The following CNTNAP2 variants were observed in gnomAD, a reference collection of about 807,000 sequenced individuals.
The protein encoded by CNTNAP2 is contactin-associated protein-like 2.
CNTNAP2 carries 98 observed loss-of-function variants against 155.2 expected under a neutral mutation model. That is an observed-to-expected ratio of 0.63 (90% CI 0.54 to 0.75). CNTNAP2 has a LOEUF of 0.75. Among genes scored for constraint, CNTNAP2 ranks in the 30% least tolerant of loss-of-function variants. CNTNAP2 has a pLI of 0.00. For synonymous variants in CNTNAP2, 651 were observed against 631.2 expected (o/e 1.03, Z -0.47); for missense variants, 1,727 against 1,688.1 (o/e 1.02, Z -0.40).
At chr7:146,147,229 A>G (rs2116767833) in intron 1 of CNTNAP2, among the ~76,000 whole-genome samples, 1 of 152,160 alleles carries the variant, frequency 6.6e-6, no homozygotes, top group East Asian at 1.9e-4. Context: ...GTCTCTAGGG[A>G]TTGAATTATG....
rs184322833 is a variant in CNTNAP2 at position 147,787,671 on chromosome 7, T to C, written c.2099-115894T>C. Among the ~76,000 whole-genome samples, 5 of 152,340 alleles carry C rather than the reference T, an allele frequency of 3.3e-5. No homozygotes were observed. In the East Asian group the frequency reaches 5.8e-4, roughly 18 times the overall value. ...AACAGGTTTGTAAAATAGCAGACTT[T>C]TAACAAGCAAAGAAAATCAGTGCTG... On this transcript the variant is annotated intron_variant, in intron 13 of 23. Transcript: ENST00000361727.
At chr7:146,631,342 A>AT (rs1213489873) in intron 1 of CNTNAP2, among the ~76,000 whole-genome samples, 1 of 152,182 alleles carries the variant, frequency 6.6e-6, no homozygotes, top group Admixed American at 6.5e-5. Flanking sequence ...GGTGAAATTA[A>AT]TATATTCAAA....
At chr7:147,365,357 A>G (rs376286938) in intron 9 of CNTNAP2, among the ~76,000 whole-genome samples, 7 of 143,322 alleles carry the variant, frequency 4.9e-5, no homozygotes, top group African/African-American at 1.5e-4. Context: ...CCTGGGCAGC[A>G]GAGGAGAGAC....
intron 5 of CNTNAP2, among the ~76,000 whole-genome samples, chr7:147,116,006 G>A (rs1031811166): frequency 6.6e-6 from 1 of 152,112 alleles, no homozygotes; most frequent in African/African-American, 2.4e-5. Context: ...GGGGTTTGTT[G>A]TTGTTGTTGT....
chr7:146,657,129 C>T (rs191757787), intron 1 of CNTNAP2, among the ~76,000 whole-genome samples: 2 of 152,298 alleles, frequency 1.3e-5, no homozygotes, highest in African/African-American at 2.4e-5. Flanking sequence ...AAATGATCCT[C>T]ACAGCCTCAC....
chr7:147,595,508 G>A (rs181522206), intron 12 of CNTNAP2, among the ~76,000 whole-genome samples: 10 of 152,262 alleles, frequency 6.6e-5, no homozygotes, highest in Admixed American at 2.6e-4. Context: ...ATTTAAAAAC[G>A]TTAGGTGGCT....
At chr7:148,296,116 ACT>A (rs1213355458) in intron 21 of CNTNAP2, among the ~76,000 whole-genome samples, 2 of 152,024 alleles carry the variant, frequency 1.3e-5, no homozygotes, top group Admixed American at 6.5e-5. Context: ...TGAGCCAAAA[ACT>A]CTCTCTTTTT....
At chr7:147,807,647 A>G (rs1013234862) in intron 13 of CNTNAP2, among the ~76,000 whole-genome samples, 2 of 152,198 alleles carry the variant, frequency 1.3e-5, no homozygotes, top group African/African-American at 2.4e-5. Flanking sequence ...CACCTGCTGT[A>G]TACTAAAGGT....
intron 1 of CNTNAP2, among the ~76,000 whole-genome samples, chr7:146,267,398 A>G (rs1800012668): frequency 6.6e-6 from 1 of 152,202 alleles, no homozygotes. Flanking sequence ...TAGAACTGCT[A>G]TAGGTGCTAA....
At chr7:148,059,118 C>CA (rs1362792427) in intron 15 of CNTNAP2, among the ~76,000 whole-genome samples, 7 of 151,332 alleles carry the variant, frequency 4.6e-5, no homozygotes, top group Admixed American at 2.0e-4. Context: ...CAATCTCTAC[C>CA]AAAAAAATAA....
chr7:147,851,777 G>C (rs953195597), intron 13 of CNTNAP2, among the ~76,000 whole-genome samples: 6 of 148,850 alleles, frequency 4.0e-5, no homozygotes, highest in Non-Finnish European at 5.9e-5. Context: ...GGGGGAGGGG[G>C]GAAGGATAGC....
intron 1 of CNTNAP2, among the ~76,000 whole-genome samples, chr7:146,398,436 G>A (rs912313488): frequency 5.3e-5 from 8 of 152,106 alleles, no homozygotes; most frequent in African/African-American, 1.4e-4. Context: ...ACTATCATGC[G>A]AATAGCGTGG....
chr7:148,412,174 T>C (rs534660728), intron 23 of CNTNAP2, among the ~76,000 whole-genome samples: 137 of 152,248 alleles, frequency 9.0e-4, no homozygotes, highest in Middle Eastern at 6.8e-3. Flanking sequence ...TCTCCTGACC[T>C]TGTGATCCAC....
intron 15 of CNTNAP2, among the ~76,000 whole-genome samples, chr7:148,062,910 G>GA (rs1030640756): frequency 1.3e-5 from 2 of 151,854 alleles, no homozygotes; most frequent in Non-Finnish European, 2.9e-5. Flanking sequence ...AATTGGTTAA[G>GA]AAAAAAGGAG....
At chr7:146,686,016 G>T (rs1482779478) in intron 1 of CNTNAP2, among the ~76,000 whole-genome samples, 1 of 152,050 alleles carries the variant, frequency 6.6e-6, no homozygotes, top group Non-Finnish European at 1.5e-5. Context: ...AATATTCCAG[G>T]TGAGGCATGA....
chr7:147,475,502 A>G (rs943877357), intron 10 of CNTNAP2, among the ~76,000 whole-genome samples: 4 of 151,940 alleles, frequency 2.6e-5, no homozygotes, highest in Non-Finnish European at 4.4e-5. Context: ...CCCTTTACTC[A>G]TATTTCAATT....
chr7:148,067,763 C>T (rs1340688485), intron 15 of CNTNAP2, among the ~76,000 whole-genome samples: 1 of 152,114 alleles, frequency 6.6e-6, no homozygotes, highest in Non-Finnish European at 1.5e-5. Context: ...AGGGAAAGAC[C>T]ACTGGGTGGA....
At chr7:148,216,238 GC>G (rs1795636510) in intron 18 of CNTNAP2, among the ~76,000 whole-genome samples, 1 of 152,170 alleles carries the variant, frequency 6.6e-6, no homozygotes, top group African/African-American at 2.4e-5. Flanking sequence ...CTAGGAAAAG[GC>G]TGATGCAGGA....
intron 15 of CNTNAP2, among the ~76,000 whole-genome samples, chr7:147,994,036 G>T (rs910903067): frequency 6.6e-6 from 1 of 151,936 alleles, no homozygotes; most frequent in African/African-American, 2.4e-5. Flanking sequence ...ACACACACAT[G>T]CAGATATACT....
Sources: allele counts gnomAD v4.1 joint callset (sites outside exome capture counted in the v4.1 genomes callset), GRCh38; gene constraint gnomAD v4.1.1; transcripts MANE v1.5; gene names NCBI Gene and HGNC (gene_info 2026-07-23, HGNC 2026-07-21).